TRAP1: variants seen among roughly 807,000 people sequenced by gnomAD.
The protein encoded by TRAP1 is heat shock protein 75 kDa, mitochondrial.
Under a neutral mutation model 89.1 loss-of-function variants are expected in TRAP1, and 102 were observed. The observed-to-expected ratio is 1.15, with a 90% CI of 0.98 to 1.35. The LOEUF (loss-of-function observed/expected upper bound fraction) is 1.35. TRAP1 is among the 40% of genes most tolerant of loss of function. The pLI is 0.00. For synonymous variants in TRAP1, 508 were observed against 388.0 expected (o/e 1.31, Z -3.64); for missense variants, 1,256 against 945.3 (o/e 1.33, Z -4.31).
At chr16:3,667,326 C>G (rs1009173860) in intron 11 of TRAP1, among the ~76,000 whole-genome samples, 1 of 151,954 alleles carries the variant, frequency 6.6e-6, no homozygotes, top group African/African-American at 2.4e-5. Context: ...AATGGGTAAC[C>G]GTGCTAAGAA....
At chr16:3,712,634 G>C (rs2051547704) in intron 1 of TRAP1, among the ~76,000 whole-genome samples, 1 of 152,174 alleles carries the variant, frequency 6.6e-6, no homozygotes, top group South Asian at 2.1e-4. Context: ...CCAAGACAGA[G>C]TCTTGCACTG....
intron 8 of TRAP1, chr16:3,675,020 G>A: frequency 2.5e-6 from 1 of 393,910 alleles, no homozygotes; most frequent in Non-Finnish European, 4.6e-6. Context: ...ATTGATGCGG[G>A]GTGGCTGCAC....
intron 16 of TRAP1, chr16:3,661,392 G>C (rs1289836043): frequency 6.6e-6 from 1 of 152,028 alleles, no homozygotes; most frequent in African/African-American, 2.4e-5. Flanking sequence ...GGGGGTTCTC[G>C]GTGCACCCTG....
Position 3,686,043 on chromosome 16 carries a change from C to T in TRAP1, c.424G>A (p.Glu142Lys). The T allele has an allele frequency of 6.2e-7, 1 of 1,614,100 alleles. No homozygotes were observed. Among genetic ancestry groups the T allele is most frequent in the Non-Finnish European group, 8.5e-7 (1 of 1,180,000 alleles). Residue 142 changes from glutamate to lysine, a missense_variant, in exon 4 of 18, where the codon GAG (glutamate) becomes AAG (lysine). Glu to Lys is a moderately conservative substitution (Grantham distance 56). Transcript: ENST00000246957. ...TCGGCATTGGTCTGCAAGTGAATCT[C>T]CATTTCTGGCAGTGCTTGGCCGTCA... is the stretch of plus-strand genomic sequence containing the variant. Reference protein sequence around the residue: ...VSDGQALPEMEIHLQTNAEKG... With the variant: ...VSDGQALPEMKIHLQTNAEKG...
intron 1 of TRAP1, among the ~76,000 whole-genome samples, chr16:3,709,738 C>A (rs1340965204): frequency 6.6e-6 from 1 of 152,168 alleles, no homozygotes. Context: ...ACAACCTCCA[C>A]CTCCCAGATT....
chr16:3,660,522 ACAAAACTAGTTTGCCAC>A (rs1221293686), intron 16 of TRAP1: 7 of 152,098 alleles, frequency 4.6e-5, no homozygotes, highest in African/African-American at 1.7e-4. Flanking sequence ...CAGCTATCTC[ACAAAACTAGTTTGCCAC>A]CAAAACTAGT....
chr16:3,675,619 G>A (rs982377890), intron 7 of TRAP1, among the ~76,000 whole-genome samples: 5 of 152,200 alleles, frequency 3.3e-5, no homozygotes, highest in Admixed American at 2.0e-4. Context: ...TGGAGGCCCC[G>A]GCTGCTGCGA....
At chr16:3,678,664 T>G (rs1414688328) in intron 5 of TRAP1, 1 of 152,254 alleles carries the variant, frequency 6.6e-6, no homozygotes, top group Admixed American at 6.5e-5. Flanking sequence ...GGTTTCACCG[T>G]GTTAGCCAGG....
intron 1 of TRAP1, among the ~76,000 whole-genome samples, chr16:3,693,924 T>G (rs1322514961): frequency 6.6e-6 from 1 of 151,862 alleles, no homozygotes; most frequent in African/African-American, 2.4e-5. Context: ...GCCCAGGATG[T>G]TGAGGCTGTA....
chr16:3,703,883 C>T (rs1040599498), intron 1 of TRAP1, among the ~76,000 whole-genome samples: 2 of 151,436 alleles, frequency 1.3e-5, no homozygotes, highest in African/African-American at 2.4e-5. Flanking sequence ...GGCGTGGTGG[C>T]GGGTGCCTGT....
chr16:3,701,689 G>A (rs1039358888), intron 1 of TRAP1, among the ~76,000 whole-genome samples: 9 of 152,150 alleles, frequency 5.9e-5, no homozygotes, highest in African/African-American at 1.9e-4. Flanking sequence ...CACGAGCTAT[G>A]TAGTGAGTAA....
chr16:3,666,651 TA>T (rs2050835455), intron 11 of TRAP1, among the ~76,000 whole-genome samples: 1 of 152,158 alleles, frequency 6.6e-6, no homozygotes, highest in Admixed American at 6.5e-5. Context: ...CCAATGTGGG[TA>T]AATTACAGTA....
chr16:3,701,941 T>G (rs2051371071), intron 1 of TRAP1, among the ~76,000 whole-genome samples: 1 of 152,176 alleles, frequency 6.6e-6, no homozygotes, highest in Non-Finnish European at 1.5e-5. Flanking sequence ...CCCGGCACGG[T>G]GGCTCACACC....
intron 4 of TRAP1, among the ~76,000 whole-genome samples, chr16:3,685,785 G>T (rs1308149070): frequency 1.3e-5 from 2 of 152,176 alleles, no homozygotes; most frequent in African/African-American, 4.8e-5. Context: ...GGATGATGGG[G>T]TGATTTCAAA....
chr16:3,663,736 A>G (rs1023806111), intron 13 of TRAP1, 174 bp from the exon 14 acceptor site: 1 of 749,826 alleles, frequency 1.3e-6, no homozygotes, highest in Non-Finnish European at 2.1e-6. Flanking sequence ...GGGTCTAAGG[A>G]AGGCTCTGAC....
At chr16:3,677,363 A>T in intron 6 of TRAP1, 135 bp downstream of exon 6, 1 of 1,217,286 alleles carries the variant, frequency 8.2e-7, no homozygotes, top group Non-Finnish European at 1.1e-6. Context: ...ACTCCCCAAA[A>T]TGGGAGAGTC....
At chr16:3,690,691 C>T in intron 2 of TRAP1, 136 bp downstream of exon 2, 1 of 959,272 alleles carries the variant, frequency 1.0e-6, no homozygotes, top group East Asian at 2.9e-5. Flanking sequence ...GCGCAGCACT[C>T]CCTACAGCCA....
At chr16:3,680,104 G>C (rs756491955) in intron 4 of TRAP1, 1 of 256,244 alleles carries the variant, frequency 3.9e-6, no homozygotes, top group African/African-American at 2.2e-5. Context: ...GCGAGCACCT[G>C]TGGTTCCAGC....
rs140538314 is a variant in TRAP1 at position 3,713,114 on chromosome 16, CACAG to C, written c.88+4303_88+4306del. 9.5e-3 allele frequency among the ~76,000 whole-genome samples: 1,447 copies of C among 152,250 alleles called. 40 individuals carry two copies. The East Asian group carries it at 0.099, about 10-fold the overall frequency. ...ATCTCAGCAACACAAAGAGCTGTTT[CACAG>C]ACAGAGTCGCAACTGACCAGCAAGT... On this transcript the variant is annotated intron_variant, in intron 1 of 17. Coordinates refer to ENST00000246957, the MANE Select transcript of TRAP1 (RefSeq NM_016292.3).
Sources: gnomAD v4.1 joint callset for allele counts (sites outside exome capture counted in the v4.1 genomes callset) on GRCh38, gnomAD v4.1.1 for gene constraint, MANE v1.5 for transcripts, NCBI Gene and HGNC (gene_info 2026-07-23, HGNC 2026-07-21) for gene names.